CDH13: variants seen among roughly 807,000 people sequenced by gnomAD.
CDH13 encodes cadherin 13, also known as cadherin-13.
CDH13 carries 24 observed loss-of-function variants against 63.8 expected under a neutral mutation model. The ratio of observed to expected loss-of-function variants is 0.38; its 90% CI spans 0.27 to 0.53. The LOEUF (loss-of-function observed/expected upper bound fraction) is 0.53, where lower values mean the gene tolerates loss of function less well. Ranked by LOEUF, CDH13 falls within the 20% of genes least tolerant of loss-of-function variation. The pLI is 0.85. For synonymous variants in CDH13, 503 were observed against 355.3 expected (o/e 1.42, Z -4.67); for missense variants, 1,049 against 903.1 (o/e 1.16, Z -2.07).
chr16:83,066,419 G>A (rs1056076510), intron 3 of CDH13, among the ~76,000 whole-genome samples: 8 of 152,146 alleles, frequency 5.3e-5, no homozygotes, highest in African/African-American at 1.9e-4. Flanking sequence ...AAAAGGCAAC[G>A]AGTTGGTTGC....
chr16:83,510,850 G>C (rs539677608), intron 7 of CDH13, among the ~76,000 whole-genome samples: 88 of 152,310 alleles, frequency 5.8e-4, no homozygotes, highest in African/African-American at 1.9e-3. Flanking sequence ...ATGTACTAAA[G>C]GTCTTTCAGA....
intron 1 of CDH13, among the ~76,000 whole-genome samples, chr16:82,738,041 C>T (rs2033763289): frequency 6.6e-6 from 1 of 152,194 alleles, no homozygotes; most frequent in South Asian, 2.1e-4. Context: ...CTGTCAATTA[C>T]AGGCGCTGTG....
intron 3 of CDH13, among the ~76,000 whole-genome samples, chr16:83,054,531 G>T (rs866250942): frequency 4.6e-5 from 7 of 152,104 alleles, no homozygotes; most frequent in South Asian, 2.1e-4. Flanking sequence ...AGGACAGCAG[G>T]ATATTTAGTC....
intron 10 of CDH13, among the ~76,000 whole-genome samples, chr16:83,698,676 G>C (rs1390041904): frequency 6.6e-6 from 1 of 152,186 alleles, no homozygotes; most frequent in African/African-American, 2.4e-5. Context: ...CTGAGAGCTG[G>C]GTTTGCTAAC....
chr16:83,267,130 T>G (rs751512946), intron 5 of CDH13, among the ~76,000 whole-genome samples: 2 of 152,200 alleles, frequency 1.3e-5, no homozygotes, highest in African/African-American at 2.4e-5. Flanking sequence ...CATGCCTCAT[T>G]CTTTGCTAAA....
intron 6 of CDH13, among the ~76,000 whole-genome samples, chr16:83,441,866 A>C (rs1427646290): frequency 6.6e-6 from 1 of 152,190 alleles, no homozygotes; most frequent in Non-Finnish European, 1.5e-5. Context: ...ATGAATGTGT[A>C]TACGAGGCTT....
At chr16:83,475,637 A>C (rs946430199) in intron 6 of CDH13, among the ~76,000 whole-genome samples, 5 of 152,186 alleles carry the variant, frequency 3.3e-5, no homozygotes, top group African/African-American at 1.2e-4. Flanking sequence ...GCTGGAGTGC[A>C]GTGGTGTGAT....
Position 82,638,823 on chromosome 16 carries a change from T to TGTGTGTGTGTGTGTGTGTGTGTGCGC in CDH13, c.45+11687_45+11688insTGTGTGTGTGTGTGTGTGTGTGCGCG, listed in dbSNP as rs139451683. Among the ~76,000 whole-genome samples the TGTGTGTGTGTGTGTGTGTGTGTGCGC allele has an allele frequency of 8.7e-3, 1,306 of 150,878 alleles. 21 individuals carry two copies. Among genetic ancestry groups the TGTGTGTGTGTGTGTGTGTGTGTGCGC allele is most frequent in the African/African-American group, 0.031 (1,255 of 41,028 alleles). ...TGGGAGGCTTTATTAGGGCAGTGTG[T>TGTGTGTGTGTGTGTGTGTGTGTGCGC]GCGTGTGTGCGTTTGTGTGCATGCA... On this transcript the variant is annotated intron_variant, in intron 1 of 13. Coordinates refer to ENST00000567109, the MANE Select transcript of CDH13 (RefSeq NM_001257.5).
At chr16:82,867,403 C>T (rs2040186940) in intron 2 of CDH13, among the ~76,000 whole-genome samples, 1 of 152,162 alleles carries the variant, frequency 6.6e-6, no homozygotes, top group African/African-American at 2.4e-5. Flanking sequence ...TTTTCATAGC[C>T]AAGCTCATCC....
chr16:83,506,919 A>C (rs980594009), intron 7 of CDH13, among the ~76,000 whole-genome samples: 3 of 152,166 alleles, frequency 2.0e-5, no homozygotes, highest in Non-Finnish European at 4.4e-5. Context: ...AGCCTCACCA[A>C]CATCCTGACT....
chr16:82,652,628 AGCT>A (rs35661989), intron 1 of CDH13, among the ~76,000 whole-genome samples: 28 of 149,372 alleles, frequency 1.9e-4, no homozygotes, highest in Middle Eastern at 7.0e-3. Flanking sequence ...AGATATTGGA[AGCT>A]GCTGCTGCTG....
intron 5 of CDH13, among the ~76,000 whole-genome samples, chr16:83,250,949 T>G (rs4782525): frequency 2.0e-5 from 3 of 151,906 alleles, no homozygotes; most frequent in East Asian, 1.9e-4. Context: ...TGTTTAAACA[T>G]TGGGGGAAGA....
At chr16:82,969,159 C>A (rs1003754761) in intron 2 of CDH13, among the ~76,000 whole-genome samples, 1 of 152,226 alleles carries the variant, frequency 6.6e-6, no homozygotes, top group East Asian at 1.9e-4. Context: ...GTGTTAGAAT[C>A]GATATCTAGG....
At chr16:83,009,724 A>G (rs1318773446) in intron 2 of CDH13, among the ~76,000 whole-genome samples, 1 of 152,258 alleles carries the variant, frequency 6.6e-6, no homozygotes, top group Non-Finnish European at 1.5e-5. Flanking sequence ...TGAGTCATGT[A>G]GCTGTACAAG....
intron 6 of CDH13, among the ~76,000 whole-genome samples, chr16:83,473,676 G>A (rs776434181): frequency 1.3e-5 from 2 of 152,140 alleles, no homozygotes; most frequent in African/African-American, 4.8e-5. Flanking sequence ...CACTCTGTAG[G>A]GAGAATTCTG....
At chr16:83,564,601 G>A (rs1420468173) in intron 7 of CDH13, among the ~76,000 whole-genome samples, 1 of 152,062 alleles carries the variant, frequency 6.6e-6, no homozygotes, top group South Asian at 2.1e-4. Flanking sequence ...TAGAGATGGG[G>A]TTTCACCATG....
At chr16:83,018,996 A>G (rs1915081757) in intron 2 of CDH13, among the ~76,000 whole-genome samples, 1 of 152,236 alleles carries the variant, frequency 6.6e-6, no homozygotes, top group South Asian at 2.1e-4. Context: ...GTGAAGGCCT[A>G]GGACATTACT....
intron 7 of CDH13, among the ~76,000 whole-genome samples, chr16:83,539,090 T>G (rs1037878664): frequency 7.2e-5 from 11 of 152,166 alleles, no homozygotes; most frequent in Admixed American, 7.2e-4. Context: ...GAACTCATAC[T>G]AACATCTTGA....
intron 2 of CDH13, among the ~76,000 whole-genome samples, chr16:82,911,560 G>A (rs1484671806): frequency 1.3e-5 from 2 of 152,142 alleles, no homozygotes; most frequent in Non-Finnish European, 2.9e-5. Flanking sequence ...GTAAAATGGG[G>A]ATGGTAATAG....
Sources: gnomAD v4.1 joint callset for allele counts (sites outside exome capture counted in the v4.1 genomes callset) on GRCh38, gnomAD v4.1.1 for gene constraint, MANE v1.5 for transcripts, NCBI Gene and HGNC (gene_info 2026-07-23, HGNC 2026-07-21) for gene names.